The following VCAN variants were observed in gnomAD, a reference collection of about 807,000 sequenced individuals.
VCAN encodes the protein versican.
VCAN carries 44 observed loss-of-function variants against 245.5 expected under a neutral mutation model. That is an observed-to-expected ratio of 0.18 (90% confidence interval 0.14 to 0.23). The LOEUF is 0.23. Ranked by LOEUF, VCAN falls within the 10% of genes least tolerant of loss-of-function variation. The probability of loss-of-function intolerance (pLI) is 1.00; values close to 1 mark genes in which losing one functional copy is unlikely to be tolerated. For missense variants in VCAN, 3,793 were observed against 4,057.9 expected (o/e 0.93, Z 1.77); for synonymous variants, 1,413 against 1,437.0 (o/e 0.98, Z 0.38).
chr5:83,520,945 C>T lies in VCAN; in HGVS notation c.2639C>T (p.Thr880Ile). 6.2e-7 allele frequency: 1 copy of T among 1,614,108 alleles called. No homozygotes were observed. Among genetic ancestry groups the T allele is most frequent in the East Asian group, 2.2e-5 (1 of 44,874 alleles). ...GACATAGCAGCCCATGGAAAATTCA[C>T]AATTAGATTTCAGCCAACTACATCA... ...DEDIAAHGKF[T>I]IRFQPTTSTG... is the part of the protein sequence containing the mutation. Residue 880 changes from threonine to isoleucine, a missense_variant, in exon 7 of 15, where the codon ACA (threonine) becomes ATA (isoleucine). By Grantham distance (89) the Thr-to-Ile change is moderately conservative (BLOSUM62 -1). Transcript: ENST00000265077.
rs1042278822 is a variant in VCAN, at chr5:83,503,086, A to G, written c.749-9017A>G. Among the ~76,000 whole-genome samples the G allele has an allele frequency of 3.3e-5, 5 of 152,316 alleles. 1 individual carries two copies. The highest frequency in any genetic ancestry group is 3.9e-4 in the East Asian group (2 of 5,184). On this transcript the variant is annotated intron_variant, in intron 5 of 14. Transcript: ENST00000265077. ...TACAAATATTAGCCCTTAAAAGATTATATAGCAGTATATATTATGTTAACC... is the reference window on the plus strand; with the variant it reads ...TACAAATATTAGCCCTTAAAAGATTGTATAGCAGTATATATTATGTTAACC...
In VCAN at chr5:83,521,072, A is replaced by T. The variant is rs1274203384; in HGVS notation, c.2766A>T (p.Gly922=). The T allele has an allele frequency of 4.3e-6, 7 of 1,614,148 alleles. No homozygotes were observed. Among genetic ancestry groups the T allele is most frequent in the Non-Finnish European group, 5.9e-6 (7 of 1,179,988 alleles). ...GCCAAGTTTATGCAACCATGGAAGGAAGTGCTTTGGGTGAAGTAGAAGATG... is the reference window on the plus strand; with the variant it reads ...GCCAAGTTTATGCAACCATGGAAGGTAGTGCTTTGGGTGAAGTAGAAGATG... The part of the protein sequence containing the change: ...TEGQVYATME[G]SALGEVEDVD... The change falls in exon 7 of 15, where the codon GGA becomes GGT. Residue 922 remains glycine (G), a synonymous_variant. Transcript: ENST00000265077.
Position 83,493,644 on chromosome 5 carries a change from C to A in VCAN, c.544C>A (p.Pro182Thr), listed in dbSNP as rs1250404356. The change falls in exon 4 of 15, where the codon CCA (proline) becomes ACA (threonine). Residue 182 changes from proline to threonine, a missense_variant. Pro to Thr is a conservative substitution (Grantham distance 38). This residue lies in a region of VCAN where 190 missense variants were observed against 288.6 expected (regional missense o/e 0.66). Coordinates refer to ENST00000265077, the MANE Select transcript of VCAN (RefSeq NM_004385.5). ...GGACGTTGGGGCAGTCATAGCAACTCCAGAGCAGCTCTTTGCTGCCTATGA... is the reference window on the plus strand; with the variant it reads ...GGACGTTGGGGCAGTCATAGCAACTACAGAGCAGCTCTTTGCTGCCTATGA... Reference protein sequence around the residue: ...CLDVGAVIATPEQLFAAYEDG... With the variant: ...CLDVGAVIATTEQLFAAYEDG... 1 of 1,614,106 alleles carries A rather than the reference C, an allele frequency of 6.2e-7. No homozygotes were observed. The highest frequency in any genetic ancestry group is 1.1e-5 in the South Asian group (1 of 91,078).
rs753756168 is a variant in VCAN at position 83,519,824 on chromosome 5, G to A, written c.1518G>A (p.Lys506=). The stretch of plus-strand genomic sequence containing the variant: ...TGGTAACATCTATGGAAATCTTAAA[G>A]CACATTCCTTCCAAGGAATTCCCTG... ...GPLVTSMEIL[K]HIPSKEFPVT... is the part of the protein sequence containing the mutation. Residue 506 remains lysine, a synonymous_variant, in exon 7 of 15, where the codon AAG becomes AAA. Transcript: ENST00000265077. 6 of 1,613,994 alleles carry A rather than the reference G, an allele frequency of 3.7e-6. No homozygotes were observed. In the South Asian group the frequency reaches 4.4e-5, roughly 12 times the overall value.
chr5:83,474,791 G>T (rs1453927778), intron 1 of VCAN, among the ~76,000 whole-genome samples: 3 of 152,224 alleles, frequency 2.0e-5, no homozygotes, highest in Admixed American at 6.5e-5. Flanking sequence ...GCTGCTTCTG[G>T]AGCTGACCCG....
At position 83,490,227 on chromosome 5, in the gene VCAN, C is replaced by T; in HGVS notation, c.200C>T (p.Ser67Phe). 6.2e-7 allele frequency: 1 copy of T among 1,614,104 alleles called. No individual in the cohort carries two copies. The highest frequency in any genetic ancestry group is 1.3e-5 in the African/African-American group (1 of 75,028). The change falls in exon 3 of 15, where the codon TCT becomes TTT. Residue 67 changes from serine to phenylalanine, a missense_variant. This residue lies in a region of VCAN where 179 missense variants were observed against 169.7 expected (regional missense o/e 1.05). Transcript: ENST00000265077. ...NTSEFLRIKW[S>F]KIEVDKNGKD... is the part of the protein sequence containing the mutation. ...AGTGAATTTCTCCGCATCAAATGGT[C>T]TAAGATTGAAGTGGACAAAAATGGA...
chr5:83,541,430 T>A lies in VCAN; in HGVS notation c.8427T>A (p.Asp2809Glu). 6.2e-7 allele frequency: 1 copy of A among 1,614,076 alleles called. No individual in the cohort carries two copies. Among genetic ancestry groups the A allele is most frequent in the Non-Finnish European group, 8.5e-7 (1 of 1,179,996 alleles). ...GATCCAATCCCCCATATTACACTGA[T>A]ACAACATTAGCAGTTTCAACATTTG... is the stretch of plus-strand genomic sequence containing the variant. ...MEGSNPPYYT[D>E]TTLAVSTFAK... Residue 2809 changes from aspartate (D) to glutamate (E), a missense_variant, in exon 8 of 15, where the codon GAT (aspartate) becomes GAA (glutamate). Physicochemically the swap from Asp to Glu is conservative, Grantham distance 45. Around this residue, in one of 5 missense-constraint regions of VCAN, gnomAD observed 3,182 missense variants for 3,250.3 expected, o/e 0.98. Coordinates refer to ENST00000265077, the MANE Select transcript of VCAN (RefSeq NM_004385.5).
chr5:83,483,700 T>A, intron 2 of VCAN, 112 bp downstream of exon 2: 1 of 1,024,726 alleles, frequency 9.8e-7, no homozygotes, highest in Non-Finnish European at 1.5e-6. Flanking sequence ...TAAAATCTAT[T>A]AAGTGCTGAA....
chr5:83,557,431 G>A (rs900124302), intron 12 of VCAN, among the ~76,000 whole-genome samples: 24 of 152,076 alleles, frequency 1.6e-4, no homozygotes, highest in Admixed American at 1.4e-3. Context: ...TGGTTAAAGA[G>A]ACTTCATATT....
At position 83,519,852 on chromosome 5, in the gene VCAN, A is replaced by G; in HGVS notation, c.1546A>G (p.Thr516Ala). The G allele has an allele frequency of 6.2e-7, 1 of 1,614,172 alleles. No individual in the cohort carries two copies. Among genetic ancestry groups the G allele is most frequent in the East Asian group, 2.2e-5 (1 of 44,886 alleles). ...KHIPSKEFPVTETPLVTARMI... is the reference protein window; with the variant it reads ...KHIPSKEFPVAETPLVTARMI... ...CATTCCTTCCAAGGAATTCCCTGTAACTGAAACACCATTGGTAACTGCAAG... is the reference window on the plus strand; with the variant it reads ...CATTCCTTCCAAGGAATTCCCTGTAGCTGAAACACCATTGGTAACTGCAAG... The change falls in exon 7 of 15, where the codon ACT becomes GCT. Residue 516 changes from threonine to alanine, a missense_variant. Physicochemically the swap from Thr to Ala is moderately conservative, Grantham distance 58 (BLOSUM62 0). Around this residue, in one of 5 missense-constraint regions of VCAN, gnomAD observed 3,182 missense variants for 3,250.3 expected, o/e 0.98. Coordinates refer to ENST00000265077, the MANE Select transcript of VCAN (RefSeq NM_004385.5).
At position 83,545,751 on chromosome 5, in the gene VCAN, T is replaced by G. The variant is rs571806494; in HGVS notation, c.9379+101T>G. Reference sequence around the variant, plus strand: ...CAATCAGAGATTTCAAAGAAACCCATATGAAGATTAATTATATGTTAAATG... The same window carrying G: ...CAATCAGAGATTTCAAAGAAACCCAGATGAAGATTAATTATATGTTAAATG... On this transcript the variant is annotated intron_variant, in intron 9 of 14. Transcript: ENST00000265077. 2.5e-5 allele frequency: 24 copies of G among 955,848 alleles called. No individual in the cohort carries two copies. In the South Asian group the frequency reaches 3.1e-4, roughly 13 times the overall value. The allele number at this position is 955,848 out of a possible 1,614,324, so 59.2% of individuals were successfully genotyped here. A position where few individuals can be genotyped will look rare whatever the true frequency, so the allele number is the denominator to read the frequency against.
chr5:83,527,605 GATTACCTTTTCAAA>G (rs1746351798), intron 7 of VCAN, among the ~76,000 whole-genome samples: 1 of 152,116 alleles, frequency 6.6e-6, no homozygotes, highest in Admixed American at 6.6e-5. Context: ...ATAGACCAAA[GATTACCTTTTCAAA>G]AAGTCCTTTG....
rs1744939090 is a variant in VCAN at position 83,490,341 on chromosome 5, C to T, written c.314C>T (p.Thr105Ile). 6.2e-7 allele frequency: 1 copy of T among 1,614,196 alleles called. No individual in the cohort carries two copies. ...QDYKGRVSVP[T>I]HPEAVGDASL... ...TACAAAGGGAGAGTGTCTGTGCCCA[C>T]ACATCCCGAGGCTGTGGGCGATGCC... Residue 105 changes from threonine (T) to isoleucine (I), a missense_variant, in exon 3 of 15, where the codon ACA (threonine) becomes ATA (isoleucine). Coordinates refer to ENST00000265077, the MANE Select transcript of VCAN (RefSeq NM_004385.5).
intron 12 of VCAN, 95 bp downstream of exon 12, chr5:83,555,133 G>C: frequency 1.5e-6 from 2 of 1,320,390 alleles, no homozygotes; most frequent in Non-Finnish European, 2.2e-6. Context: ...TAGACTGGAG[G>C]CAAGTTAAAT....
intron 14 of VCAN, 44 bp from the exon 15 acceptor site, chr5:83,580,263 T>C: frequency 6.2e-7 from 1 of 1,613,722 alleles, no homozygotes; most frequent in Non-Finnish European, 8.5e-7. Flanking sequence ...ATGGAGCAAG[T>C]AATATTGTGT....
At position 83,520,982 on chromosome 5, in the gene VCAN, A is replaced by C; in HGVS notation, c.2676A>C (p.Ala892=). ...AGCCAACTACATCAACTGGTATTGC[A>C]GAAAAGTCAACTTTGAGAGATTCTA... ...RFQPTTSTGI[A]EKSTLRDSTT... Residue 892 remains alanine, a synonymous_variant, in exon 7 of 15, where the codon GCA becomes GCC. Coordinates refer to ENST00000265077, the MANE Select transcript of VCAN (RefSeq NM_004385.5). 4 of 1,614,096 alleles carry C rather than the reference A, an allele frequency of 2.5e-6. No homozygotes were observed. The highest frequency in any genetic ancestry group is 3.4e-6 in the Non-Finnish European group (4 of 1,179,974).
intron 7 of VCAN, among the ~76,000 whole-genome samples, chr5:83,528,045 C>T (rs1036428779): frequency 6.6e-6 from 1 of 152,180 alleles, no homozygotes; most frequent in Non-Finnish European, 1.5e-5. Flanking sequence ...CATGTCTAGT[C>T]GTTTGACAGA....
intron 5 of VCAN, among the ~76,000 whole-genome samples, chr5:83,495,536 A>G (rs1745131299): frequency 6.6e-6 from 1 of 152,314 alleles, no homozygotes; most frequent in South Asian, 2.1e-4. Context: ...TCTTGCCTTT[A>G]TTTTAATTGA....
chr5:83,522,208 C>G lies in VCAN; in HGVS notation c.3902C>G (p.Ala1301Gly). The change falls in exon 7 of 15, where the codon GCC becomes GGC. Residue 1301 changes from alanine to glycine, a missense_variant. Ala to Gly is a moderately conservative substitution (Grantham distance 60, BLOSUM62 0). Around this residue, in one of 5 missense-constraint regions of VCAN, gnomAD observed 3,182 missense variants for 3,250.3 expected, o/e 0.98. Coordinates refer to ENST00000265077, the MANE Select transcript of VCAN (RefSeq NM_004385.5). ...TRPPTVEDKEAFGPQALSTPQ... is the reference protein window; with the variant it reads ...TRPPTVEDKEGFGPQALSTPQ... ...CCACCCACTGTGGAAGACAAAGAGG[C>G]CTTTGGACCTCAGGCGCTTTCTACG... is the stretch of plus-strand genomic sequence containing the variant. 6.2e-7 allele frequency: 1 copy of G among 1,604,696 alleles called. No individual in the cohort carries two copies. The highest frequency in any genetic ancestry group is 8.5e-7 in the Non-Finnish European group (1 of 1,179,798).
Sources: allele counts gnomAD v4.1 joint callset (sites outside exome capture counted in the v4.1 genomes callset), GRCh38; gene constraint gnomAD v4.1.1; regional missense constraint gnomAD v4.1.1; transcripts MANE v1.5; gene names NCBI Gene and HGNC (gene_info 2026-07-23, HGNC 2026-07-21).